ST6GALNAC3: variants seen among roughly 807,000 people sequenced by gnomAD.
The protein encoded by ST6GALNAC3 is alpha-N-acetylgalactosaminide alpha-2,6-sialyltransferase 3.
Under a neutral mutation model 32.7 loss-of-function variants are expected in ST6GALNAC3, and 25 were observed. The ratio of observed to expected loss-of-function variants is 0.76; its 90% CI spans 0.56 to 1.07. ST6GALNAC3 has a LOEUF of 1.07. ST6GALNAC3 is among the 50% of genes least tolerant of loss of function. The pLI, the probability that ST6GALNAC3 is intolerant of heterozygous loss-of-function variation, is 0.00. For synonymous variants in ST6GALNAC3, 129 were observed against 133.1 expected (o/e 0.97, Z 0.21); for missense variants, 355 against 382.4 (o/e 0.93, Z 0.60).
intron 1 of ST6GALNAC3, among the ~76,000 whole-genome samples, chr1:76,138,527 T>A (rs1488821029): frequency 6.6e-6 from 1 of 152,200 alleles, no homozygotes; most frequent in Non-Finnish European, 1.5e-5. Context: ...ACCCTTGTAC[T>A]CTGCATCGCT....
At chr1:76,508,914 C>A (rs1661655356) in intron 3 of ST6GALNAC3, among the ~76,000 whole-genome samples, 1 of 152,048 alleles carries the variant, frequency 6.6e-6, no homozygotes, top group South Asian at 2.1e-4. Flanking sequence ...CATAAATTTC[C>A]AGGATAAACC....
At chr1:76,376,223 C>T (rs1020664842) in intron 2 of ST6GALNAC3, among the ~76,000 whole-genome samples, 1 of 152,008 alleles carries the variant, frequency 6.6e-6, no homozygotes, top group Non-Finnish European at 1.5e-5. Context: ...CCAATGATAA[C>T]ATCTTATGTG....
Position 76,074,883 on chromosome 1 carries a change from A to G in ST6GALNAC3, c.17A>G (p.Lys6Arg). 2 of 1,597,066 alleles carry G rather than the reference A, an allele frequency of 1.3e-6. No homozygotes were observed. The highest frequency in any genetic ancestry group is 4.5e-5 in the East Asian group (2 of 43,980). ...CGGAGCGCCATGGCCTGCATCCTGA[A>G]GGTAACGACTTGGATCTGTGGCTCG... MACIL[K>R]RKSVIAVSFI... is the part of the protein sequence containing the mutation. Residue 6 changes from lysine (K) to arginine (R), a missense_variant and splice_region_variant, in exon 1 of 5, where the codon AAG becomes AGG. Transcript: ENST00000328299.
chr1:76,500,407 A>G (rs1000865179), intron 3 of ST6GALNAC3, among the ~76,000 whole-genome samples: 1 of 152,198 alleles, frequency 6.6e-6, no homozygotes, highest in Non-Finnish European at 1.5e-5. Context: ...GTACCCATTC[A>G]TAGAACATCA....
chr1:76,327,281 T>C (rs1249395389), intron 2 of ST6GALNAC3, among the ~76,000 whole-genome samples: 1 of 91,474 alleles, frequency 1.1e-5, no homozygotes, highest in Non-Finnish European at 2.1e-5. Flanking sequence ...TATGCGTGTG[T>C]GTGTGTGTGT....
At chr1:76,362,374 G>A (rs1650031978) in intron 2 of ST6GALNAC3, among the ~76,000 whole-genome samples, 1 of 152,078 alleles carries the variant, frequency 6.6e-6, no homozygotes, top group Non-Finnish European at 1.5e-5. Flanking sequence ...ATTTGGTAGG[G>A]ACGTAGATCC....
intron 3 of ST6GALNAC3, among the ~76,000 whole-genome samples, chr1:76,452,065 G>A (rs1657442542): frequency 6.6e-6 from 1 of 152,062 alleles, no homozygotes; most frequent in Non-Finnish European, 1.5e-5. Flanking sequence ...TGTCATAGAT[G>A]GTGATATGGT....
intron 3 of ST6GALNAC3, among the ~76,000 whole-genome samples, chr1:76,616,051 G>A (rs1361875997): frequency 6.6e-6 from 1 of 152,170 alleles, no homozygotes; most frequent in Admixed American, 6.5e-5. Flanking sequence ...GGTTTCTAGA[G>A]GTTCTGGTAT....
chr1:76,247,437 C>G lies in ST6GALNAC3; in HGVS notation c.19-66368C>G, dbSNP rs192897612. Among the ~76,000 whole-genome samples, 16 of 152,328 alleles carry G rather than the reference C, an allele frequency of 1.1e-4. No individual in the cohort carries two copies. The East Asian group carries it at 1.5e-3, about 15-fold the overall frequency. On this transcript the variant is annotated intron_variant, in intron 1 of 4. Transcript: ENST00000328299. ...GGACTTAACCACAGCCACCCCTCCC[C>G]CTAAGTGCTCTGTCCCAGGAAGATG... is the stretch of plus-strand genomic sequence containing the variant.
intron 1 of ST6GALNAC3, among the ~76,000 whole-genome samples, chr1:76,209,714 G>T (rs1655031462): frequency 6.6e-6 from 1 of 152,162 alleles, no homozygotes; most frequent in South Asian, 2.1e-4. Context: ...ATTGACATTT[G>T]CTAGCATTTT....
At chr1:76,111,085 C>A (rs1571172722) in intron 1 of ST6GALNAC3, among the ~76,000 whole-genome samples, 1 of 152,170 alleles carries the variant, frequency 6.6e-6, no homozygotes, top group African/African-American at 2.4e-5. Context: ...ATATTAGGAA[C>A]TGTAATGTCT....
chr1:76,247,484 T>G (rs1051069852), intron 1 of ST6GALNAC3, among the ~76,000 whole-genome samples: 8 of 152,244 alleles, frequency 5.3e-5, no homozygotes, highest in Admixed American at 4.6e-4. Context: ...TGTAAGCCCC[T>G]GACTGGGGCT....
chr1:76,325,748 CTAT>C (rs1042508202), intron 2 of ST6GALNAC3, among the ~76,000 whole-genome samples: 2 of 149,270 alleles, frequency 1.3e-5, no homozygotes, highest in Admixed American at 1.3e-4. Flanking sequence ...ATTATTATTA[CTAT>C]TATTATTATA....
At position 76,525,490 on chromosome 1, in the gene ST6GALNAC3, A is replaced by G. The variant is rs191224258; in HGVS notation, c.624-101962A>G. 4.9e-4 allele frequency among the ~76,000 whole-genome samples: 74 copies of G among 151,904 alleles called. No individual in the cohort carries two copies. In the Middle Eastern group the frequency reaches 0.014, roughly 28 times the overall value. On this transcript the variant is annotated intron_variant, in intron 3 of 4. Coordinates refer to ENST00000328299, the MANE Select transcript of ST6GALNAC3 (RefSeq NM_152996.4). ...GTCAGCCTCTGCTCCTTTCTTCCCT[A>G]AGAAGTGAATCGATGATATAGATTA...
intron 1 of ST6GALNAC3, among the ~76,000 whole-genome samples, chr1:76,096,161 G>T (rs1266619776): frequency 6.6e-6 from 1 of 152,188 alleles, no homozygotes; most frequent in East Asian, 1.9e-4. Context: ...AGTTTGCGGG[G>T]AGATGGAAAG....
At chr1:76,401,960 T>C (rs1653455237) in intron 2 of ST6GALNAC3, among the ~76,000 whole-genome samples, 1 of 152,152 alleles carries the variant, frequency 6.6e-6, no homozygotes, top group Non-Finnish European at 1.5e-5. Context: ...ATTTTAGTGT[T>C]AGTGAGCTCT....
intron 1 of ST6GALNAC3, among the ~76,000 whole-genome samples, chr1:76,138,307 G>T (rs1650074871): frequency 6.6e-6 from 1 of 152,184 alleles, no homozygotes; most frequent in Non-Finnish European, 1.5e-5. Context: ...TTTGTGAGGT[G>T]ACAGAACACA....
At chr1:76,204,109 C>T (rs1032385018) in intron 1 of ST6GALNAC3, among the ~76,000 whole-genome samples, 13 of 151,364 alleles carry the variant, frequency 8.6e-5, no homozygotes, top group Non-Finnish European at 1.8e-4. Flanking sequence ...ATGAGATCCA[C>T]TTTTTTTTTA....
intron 2 of ST6GALNAC3, among the ~76,000 whole-genome samples, chr1:76,330,435 C>T (rs1299454615): frequency 1.3e-5 from 2 of 152,210 alleles, no homozygotes; most frequent in African/African-American, 2.4e-5. Context: ...GGATTACAGG[C>T]GTGAGCCCGT....
Sources: gnomAD v4.1 joint callset for allele counts (sites outside exome capture counted in the v4.1 genomes callset) on GRCh38, gnomAD v4.1.1 for gene constraint, MANE v1.5 for transcripts, NCBI Gene and HGNC (gene_info 2026-07-23, HGNC 2026-07-21) for gene names.